NAP1L1: variants seen among roughly 807,000 people sequenced by gnomAD.
NAP1L1 encodes nucleosome assembly protein 1-like 1.
Under a neutral mutation model 58.9 loss-of-function variants are expected in NAP1L1, and 9 were observed. The ratio of observed to expected loss-of-function variants is 0.15; its 90% CI spans 0.09 to 0.27. The LOEUF (loss-of-function observed/expected upper bound fraction) is 0.27, where lower values mean the gene tolerates loss of function less well. Among genes scored for constraint, NAP1L1 ranks in the 10% least tolerant of loss-of-function variants. The pLI is 1.00. For missense variants in NAP1L1, 302 were observed against 458.8 expected, an observed-to-expected ratio of 0.66 and a Z score of 3.12; for synonymous variants, 130 against 138.3, an observed-to-expected ratio of 0.94 and a Z score of 0.42.
At chr12:76,071,847 T>C (rs911011446) in intron 2 of NAP1L1, among the ~76,000 whole-genome samples, 3 of 151,806 alleles carry the variant, frequency 2.0e-5, no homozygotes, top group African/African-American at 4.8e-5. Context: ...ATCAAAGATA[T>C]AGGACTATGT....
chr12:76,077,341 T>C (rs1206716750), intron 1 of NAP1L1, among the ~76,000 whole-genome samples: 1 of 152,238 alleles, frequency 6.6e-6, no homozygotes, highest in Admixed American at 6.5e-5. Flanking sequence ...TAGTCAGTTG[T>C]AGTCAGATCA....
At chr12:76,059,572 T>A in intron 6 of NAP1L1, 1 of 447,870 alleles carries the variant, frequency 2.2e-6, no homozygotes, top group Admixed American at 4.2e-5. Context: ...CTTAAGAAAC[T>A]TAGAACCCAT....
chr12:76,079,493 C>A (rs1950317952), intron 1 of NAP1L1, among the ~76,000 whole-genome samples: 1 of 152,070 alleles, frequency 6.6e-6, no homozygotes, highest in South Asian at 2.1e-4. Flanking sequence ...AAAAAAAAAT[C>A]TGTAATGTAA....
chr12:76,051,777 G>T (rs188779941), intron 11 of NAP1L1, among the ~76,000 whole-genome samples: 1 of 152,136 alleles, frequency 6.6e-6, no homozygotes, highest in Non-Finnish European at 1.5e-5. Flanking sequence ...GACTTTGGGA[G>T]GCCAAGGCAG....
intron 1 of NAP1L1, among the ~76,000 whole-genome samples, chr12:76,083,623 T>C (rs913138114): frequency 6.6e-6 from 1 of 152,060 alleles, no homozygotes; most frequent in African/African-American, 2.4e-5. Flanking sequence ...AAGACACCCA[T>C]CTAACAGTAC....
intron 2 of NAP1L1, among the ~76,000 whole-genome samples, chr12:76,072,560 A>C (rs1950004769): frequency 6.6e-6 from 1 of 152,222 alleles, no homozygotes; most frequent in Non-Finnish European, 1.5e-5. Context: ...AAGCCACTGA[A>C]TTGCTGCACT....
chr12:76,077,315 G>A (rs976133420), intron 1 of NAP1L1, among the ~76,000 whole-genome samples: 2 of 152,196 alleles, frequency 1.3e-5, no homozygotes, highest in Admixed American at 6.5e-5. Flanking sequence ...TTGGTTGTAA[G>A]ATAGACCTAA....
chr12:76,056,238 A>C (rs1565722059), intron 6 of NAP1L1, 77 bp from the exon 7 acceptor site: 1 of 1,416,694 alleles, frequency 7.1e-7, no homozygotes, highest in Non-Finnish European at 9.6e-7. Flanking sequence ...ATAAAAACCA[A>C]AAAGCACAGT....
At chr12:76,067,215 C>T (rs1949719491) in intron 4 of NAP1L1, among the ~76,000 whole-genome samples, 156 bp downstream of exon 4, 2 of 152,056 alleles carry the variant, frequency 1.3e-5, no homozygotes, top group South Asian at 4.1e-4. Context: ...ACAGGTGGTA[C>T]TAAGCACAAT....
chr12:76,074,668 G>A (rs1249966840), intron 1 of NAP1L1, among the ~76,000 whole-genome samples: 3 of 152,076 alleles, frequency 2.0e-5, no homozygotes, highest in African/African-American at 4.8e-5. Flanking sequence ...TATCCATTTC[G>A]TATTTAGCAA....
intron 8 of NAP1L1, among the ~76,000 whole-genome samples, 157 bp from the exon 9 acceptor site, chr12:76,054,066 G>T (rs573604107): frequency 1.3e-5 from 2 of 152,004 alleles, no homozygotes; most frequent in African/African-American, 4.8e-5. Context: ...GTCTTGCATT[G>T]TTGCCCAGGC....
intron 1 of NAP1L1, among the ~76,000 whole-genome samples, chr12:76,076,566 ATATATATATATATATATATATATATATCT>A (rs1477580946): frequency 1.2e-4 from 2 of 16,122 alleles, no homozygotes; most frequent in African/African-American, 2.5e-4. Flanking sequence ...ATATATATAT[ATATATATATATATATATATATATATATCT>A]CCACTCATAT....
At position 76,045,159 on chromosome 12, in the gene NAP1L1, T is replaced by C. The variant is rs1948588103; in HGVS notation, c.*3270A>G. The C allele has an allele frequency of 6.6e-6, 1 of 152,080 alleles. No individual in the cohort carries two copies. Among genetic ancestry groups the C allele is most frequent in the African/African-American group, 2.4e-5 (1 of 41,428 alleles). The allele number at this position is 152,080 out of a possible 1,614,324, so 9.4% of individuals were successfully genotyped here. A position where few individuals can be genotyped will look rare whatever the true frequency, so the allele number is the denominator to read the frequency against. On this transcript the variant is annotated 3_prime_UTR_variant, in exon 15 of 15. Coordinates refer to ENST00000618691, the MANE Select transcript of NAP1L1 (RefSeq NM_004537.7). Reference sequence around the variant, plus strand: ...ACTGAATTAGCACATATTTCTCTTTTCTAAAGCTCCTATGAAGAACTTACA... The same window carrying C: ...ACTGAATTAGCACATATTTCTCTTTCCTAAAGCTCCTATGAAGAACTTACA...
Position 76,053,121 on chromosome 12 carries a change from G to A in NAP1L1, c.917-11C>T, listed in dbSNP as rs368909313. 1 of 1,612,226 alleles carries A rather than the reference G, an allele frequency of 6.2e-7. No homozygotes were observed. The highest frequency in any genetic ancestry group is 8.5e-7 in the Non-Finnish European group (1 of 1,179,014). The stretch of plus-strand genomic sequence containing the variant: ...CTCCACTCTCAGGAACTGCAAAATT[G>A]AGAAAAGAAATTACAATGAATAAGA... On this transcript the variant is annotated splice_polypyrimidine_tract_variant and intron_variant, in intron 10 of 14. Transcript: ENST00000618691.
intron 1 of NAP1L1, among the ~76,000 whole-genome samples, chr12:76,078,760 T>C (rs1002874708): frequency 6.6e-6 from 1 of 151,996 alleles, no homozygotes; most frequent in African/African-American, 2.4e-5. Flanking sequence ...ACTTTGAAAA[T>C]ATGGCAGAGC....
intron 2 of NAP1L1, 45 bp from the exon 3 acceptor site, chr12:76,069,039 C>T (rs1450999365): frequency 1.5e-6 from 2 of 1,357,474 alleles, no homozygotes; most frequent in South Asian, 2.5e-5. Flanking sequence ...GTACCAATTA[C>T]CAAAAAAAGT....
Position 76,057,318 on chromosome 12 carries a change from A to G in NAP1L1, c.430-1157T>C, listed in dbSNP as rs1949156430. 2.4e-5 allele frequency: 8 copies of G among 330,170 alleles called. 1 individual carries two copies. The highest frequency in any genetic ancestry group is 2.3e-4 in the South Asian group (8 of 34,696). 20.5% of individuals were successfully genotyped at this position (330,170 alleles called of 1,614,324 possible). The stretch of plus-strand genomic sequence containing the variant: ...AACAAAAAAACTATAAAATGTAAGG[A>G]AATAATGACTTTTTGAGTACAGATG... On this transcript the variant is annotated intron_variant, in intron 6 of 14. Transcript: ENST00000618691.
chr12:76,079,158 G>GACA (rs1592706896), intron 1 of NAP1L1, among the ~76,000 whole-genome samples: 1 of 152,120 alleles, frequency 6.6e-6, no homozygotes, highest in Non-Finnish European at 1.5e-5. Flanking sequence ...GACACTAAAA[G>GACA]ACAACAGAAT....
At chr12:76,080,540 C>G (rs577153766) in intron 1 of NAP1L1, among the ~76,000 whole-genome samples, 8 of 152,290 alleles carry the variant, frequency 5.3e-5, no homozygotes, top group African/African-American at 1.9e-4. Context: ...TAAATACATT[C>G]TATGACATTC....
Sources: allele counts gnomAD v4.1 joint callset (sites outside exome capture counted in the v4.1 genomes callset), GRCh38; gene constraint gnomAD v4.1.1; transcripts MANE v1.5; gene names NCBI Gene and HGNC (gene_info 2026-07-23, HGNC 2026-07-21).